NDST3: variants seen among roughly 807,000 people sequenced by gnomAD.
NDST3 encodes the protein bifunctional heparan sulfate N-deacetylase/N-sulfotransferase 3.
NDST3 carries 58 observed loss-of-function variants against 96.1 expected under a neutral mutation model. The ratio of observed to expected loss-of-function variants is 0.60; its 90% CI spans 0.49 to 0.75. The LOEUF is 0.75. Ranked by LOEUF, NDST3 falls within the 30% of genes least tolerant of loss-of-function variation. NDST3 has a pLI of 0.00. For missense variants in NDST3, 788 were observed against 1,034.2 expected, an observed-to-expected ratio of 0.76 and a Z score of 3.27; for synonymous variants, 333 against 359.7, an observed-to-expected ratio of 0.93 and a Z score of 0.84.
At chr4:118,237,488 TA>T (rs1740719548) in intron 10 of NDST3, among the ~76,000 whole-genome samples, 2 of 152,142 alleles carry the variant, frequency 1.3e-5, no homozygotes, top group Admixed American at 1.3e-4. Context: ...AACAAAATAT[TA>T]TGTACTTTTT....
intron 4 of NDST3, 143 bp from the exon 5 acceptor site, chr4:118,137,911 A>G: frequency 1.5e-6 from 1 of 685,372 alleles, no homozygotes; most frequent in Non-Finnish European, 2.3e-6. Context: ...AGGTGTTAAT[A>G]CTTATATCAC....
chr4:118,153,460 G>T (rs776889150), intron 6 of NDST3, among the ~76,000 whole-genome samples: 9 of 152,184 alleles, frequency 5.9e-5, no homozygotes, highest in African/African-American at 9.7e-5. Context: ...TCACCCTTAT[G>T]TAATAAAATA....
intron 4 of NDST3, among the ~76,000 whole-genome samples, chr4:118,126,732 T>C (rs1283840791): frequency 1.3e-5 from 2 of 151,962 alleles, no homozygotes; most frequent in Non-Finnish European, 2.9e-5. Context: ...CTGGATCATA[T>C]GGTAGTTCTA....
chr4:118,059,185 G>T (rs970100746), intron 2 of NDST3, among the ~76,000 whole-genome samples: 10 of 152,156 alleles, frequency 6.6e-5, no homozygotes, highest in African/African-American at 2.4e-4. Context: ...TCACATCTGA[G>T]CTTACTGAAG....
intron 4 of NDST3, among the ~76,000 whole-genome samples, chr4:118,115,480 G>C (rs1457942954): frequency 6.6e-6 from 1 of 152,126 alleles, no homozygotes; most frequent in Non-Finnish European, 1.5e-5. Context: ...ATGAGGCTGA[G>C]GGAAAAGAGC....
At chr4:118,181,633 C>T (rs1238077621) in intron 6 of NDST3, among the ~76,000 whole-genome samples, 2 of 152,124 alleles carry the variant, frequency 1.3e-5, no homozygotes, top group African/African-American at 4.8e-5. Context: ...GACCATAGAG[C>T]TCTTTTAAAT....
intron 6 of NDST3, among the ~76,000 whole-genome samples, chr4:118,164,861 T>C (rs754933825): frequency 5.9e-5 from 9 of 152,158 alleles, no homozygotes; most frequent in Non-Finnish European, 1.2e-4. Context: ...AAATATCAAC[T>C]TTATATTTGT....
chr4:118,253,614 C>T lies in NDST3; in HGVS notation c.2502+13C>T, dbSNP rs759267149. Reference sequence around the variant, plus strand: ...AATGGATTCTGATGTAAGCATAGACCTTAAAAATACAAACTAAATCAGCAA... The same window carrying T: ...AATGGATTCTGATGTAAGCATAGACTTTAAAAATACAAACTAAATCAGCAA... On this transcript the variant is annotated intron_variant, in intron 13 of 13. Transcript: ENST00000296499. 6.6e-7 allele frequency: 1 copy of T among 1,526,570 alleles called. No individual in the cohort carries two copies. The highest frequency in any genetic ancestry group is 9.0e-7 in the Non-Finnish European group (1 of 1,114,026). 94.6% of individuals were successfully genotyped at this position (1,526,570 alleles called of 1,614,324 possible).
intron 6 of NDST3, among the ~76,000 whole-genome samples, chr4:118,151,026 G>T (rs1292707942): frequency 6.6e-6 from 1 of 151,874 alleles, no homozygotes; most frequent in Non-Finnish European, 1.5e-5. Context: ...AGAAAATGTG[G>T]CACATATACA....
At chr4:118,128,720 T>C (rs1366105864) in intron 4 of NDST3, among the ~76,000 whole-genome samples, 1 of 152,014 alleles carries the variant, frequency 6.6e-6, no homozygotes, top group Non-Finnish European at 1.5e-5. Context: ...TTAGAAGTAT[T>C]CCCTCCTCCT....
At chr4:118,241,512 T>TCTC (rs2308027) in intron 11 of NDST3, among the ~76,000 whole-genome samples, 126,035 of 151,860 alleles carry the variant, frequency 0.83, 54,037 homozygotes, top group South Asian at 0.95. Context: ...AGCAACTTCT[T>TCTC]CTTAGTTTCT....
At chr4:118,137,008 T>G (rs1733156213) in intron 4 of NDST3, among the ~76,000 whole-genome samples, 1 of 152,114 alleles carries the variant, frequency 6.6e-6, no homozygotes, top group African/African-American at 2.4e-5. Flanking sequence ...TATACTTTCT[T>G]CCCCTCCTGT....
chr4:118,215,970 A>C (rs1386676470), intron 6 of NDST3, among the ~76,000 whole-genome samples: 1 of 152,096 alleles, frequency 6.6e-6, no homozygotes, highest in East Asian at 1.9e-4. Context: ...GTGACAATGA[A>C]TAAATAAGAA....
At chr4:118,237,307 T>C (rs949330949) in intron 10 of NDST3, 87 bp downstream of exon 10, 7 of 1,092,278 alleles carry the variant, frequency 6.4e-6, no homozygotes, top group Admixed American at 3.3e-5. Flanking sequence ...CTAGCTCAGG[T>C]TTTCACAAAA....
chr4:118,222,237 G>C (rs1483399599), intron 6 of NDST3, among the ~76,000 whole-genome samples: 1 of 151,876 alleles, frequency 6.6e-6, no homozygotes, highest in Non-Finnish European at 1.5e-5. Flanking sequence ...TAGAAAGCAA[G>C]CTAACTTTTT....
chr4:118,107,762 G>GA (rs1730316438), intron 3 of NDST3, among the ~76,000 whole-genome samples: 1 of 151,964 alleles, frequency 6.6e-6, no homozygotes, highest in Non-Finnish European at 1.5e-5. Flanking sequence ...GACCATTAAA[G>GA]AAAAAAATGA....
At chr4:118,185,831 T>C (rs1455196397) in intron 6 of NDST3, among the ~76,000 whole-genome samples, 1 of 152,208 alleles carries the variant, frequency 6.6e-6, no homozygotes, top group Non-Finnish European at 1.5e-5. Context: ...CCATTTACAT[T>C]ATAGTTCACT....
At chr4:118,111,214 C>T (rs923893978) in intron 3 of NDST3, among the ~76,000 whole-genome samples, 1 of 152,148 alleles carries the variant, frequency 6.6e-6, no homozygotes, top group Non-Finnish European at 1.5e-5. Context: ...CTGTTGTGTA[C>T]TATGCTCACT....
chr4:118,124,663 G>A (rs1183645630), intron 4 of NDST3, among the ~76,000 whole-genome samples: 2 of 151,910 alleles, frequency 1.3e-5, no homozygotes, highest in Non-Finnish European at 2.9e-5. Flanking sequence ...ATTGTCATGG[G>A]TTTGGCTATT....
Sources: gnomAD v4.1 joint callset for allele counts (sites outside exome capture counted in the v4.1 genomes callset) on GRCh38, gnomAD v4.1.1 for gene constraint, MANE v1.5 for transcripts, NCBI Gene and HGNC (gene_info 2026-07-23, HGNC 2026-07-21) for gene names.